TTBK2: variants seen among roughly 807,000 people sequenced by gnomAD.
The protein encoded by TTBK2 is tau tubulin kinase 2, also known as tau-tubulin kinase 2.
A neutral mutation model predicts 110.8 loss-of-function variants in TTBK2; 28 were observed. The ratio of observed to expected loss-of-function variants is 0.25; its 90% CI spans 0.19 to 0.35. TTBK2 has a LOEUF of 0.35. TTBK2 is among the 10% of genes least tolerant of loss of function. The pLI is 1.00. For synonymous variants in TTBK2, 532 were observed against 527.3 expected, an observed-to-expected ratio of 1.01 and a Z score of -0.12; for missense variants, 1,369 against 1,500.3, an observed-to-expected ratio of 0.91 and a Z score of 1.45.
chr15:42,841,390 T>C (rs1414945398), intron 3 of TTBK2, among the ~76,000 whole-genome samples: 4 of 151,978 alleles, frequency 2.6e-5, no homozygotes, highest in South Asian at 2.1e-4. Flanking sequence ...TTGTATTTTT[T>C]TGTAGAGATG....
rs143825856 is a variant in TTBK2, at chr15:42,798,206, A to G, written c.823-3405T>C. 1.5e-3 allele frequency: 685 copies of G among 456,120 alleles called. 3 individuals carry two copies. The highest frequency in any genetic ancestry group is 0.012 in the African/African-American group (598 of 50,164). 28.3% of individuals were successfully genotyped at this position (456,120 alleles called of 1,614,324 possible). On this transcript the variant is annotated intron_variant, in intron 9 of 14. Transcript: ENST00000267890. ...GCCTCTCATTCTTTTTTATATCCCA[A>G]TGTCACTGGGGAACAAAGCACTTTC...
At chr15:42,873,785 A>AT (rs1228365517) in intron 2 of TTBK2, among the ~76,000 whole-genome samples, 1 of 152,056 alleles carries the variant, frequency 6.6e-6, no homozygotes, top group African/African-American at 2.4e-5. Flanking sequence ...AGATACAGCA[A>AT]TTTTTTTCCA....
Position 42,788,125 on chromosome 15 carries a change from G to C in TTBK2, c.981-4490C>G, listed in dbSNP as rs147333286. 2.6e-5 allele frequency among the ~76,000 whole-genome samples: 4 copies of C among 152,050 alleles called. No individual in the cohort carries two copies. The East Asian group carries it at 7.7e-4, about 29-fold the overall frequency. On this transcript the variant is annotated intron_variant, in intron 10 of 14. Coordinates refer to ENST00000267890, the MANE Select transcript of TTBK2 (RefSeq NM_173500.4). ...CTTATAGGACCACTGTCATATATGC[G>C]GTGTATCACTGATTGCGATGTCATT...
intron 3 of TTBK2, among the ~76,000 whole-genome samples, chr15:42,862,823 G>C (rs1263064085): frequency 1.3e-5 from 2 of 152,168 alleles, no homozygotes; most frequent in African/African-American, 4.8e-5. Context: ...AGGAGGCAGA[G>C]GTTGCAGTAA....
At chr15:42,783,163 A>G (rs1890249637) in intron 11 of TTBK2, among the ~76,000 whole-genome samples, 1 of 152,104 alleles carries the variant, frequency 6.6e-6, no homozygotes, top group Admixed American at 6.5e-5. Flanking sequence ...CTAACTCCCA[A>G]TGTGAGGGTA....
intron 1 of TTBK2, among the ~76,000 whole-genome samples, chr15:42,911,314 G>C (rs1159719318): frequency 6.6e-6 from 1 of 152,098 alleles, no homozygotes; most frequent in African/African-American, 2.4e-5. Context: ...TCGAGAGGTA[G>C]GACTGTGCTG....
intron 1 of TTBK2, among the ~76,000 whole-genome samples, chr15:42,919,487 A>T (rs940791250): frequency 6.6e-6 from 1 of 152,172 alleles, no homozygotes; most frequent in African/African-American, 2.4e-5. Context: ...AGAACCAAAC[A>T]TTGTTAACAA....
chr15:42,871,961 G>C (rs1270172295), intron 3 of TTBK2, among the ~76,000 whole-genome samples: 1 of 152,222 alleles, frequency 6.6e-6, no homozygotes, highest in Non-Finnish European at 1.5e-5. Flanking sequence ...TAATATCAGA[G>C]AGTATGTCAT....
In TTBK2 at chr15:42,752,509, T is replaced by G; in HGVS notation, c.2737A>C (p.Asn913His). ...GAAACACAATGAAATAGTTCTCCAT[T>G]TCTAGGGGTGATTTTCTCTCTCTTG... ...EGKREKITPR[N>H]GELFHCVSEN... The change falls in exon 14 of 15, where the codon AAT becomes CAT. Residue 913 changes from asparagine to histidine, a missense_variant. Physicochemically the swap from Asn to His is moderately conservative, Grantham distance 68. Coordinates refer to ENST00000267890, the MANE Select transcript of TTBK2 (RefSeq NM_173500.4). 2 of 1,614,186 alleles carry G rather than the reference T, an allele frequency of 1.2e-6. No homozygotes were observed. The highest frequency in any genetic ancestry group is 1.7e-6 in the Non-Finnish European group (2 of 1,180,038).
intron 6 of TTBK2, among the ~76,000 whole-genome samples, chr15:42,826,197 GAA>G (rs1221979785): frequency 6.6e-6 from 1 of 151,908 alleles, no homozygotes; most frequent in East Asian, 1.9e-4. Context: ...TAGAATATGA[GAA>G]AATTATTTCA....
At chr15:42,899,770 G>A (rs1246224706) in intron 1 of TTBK2, among the ~76,000 whole-genome samples, 1 of 150,538 alleles carries the variant, frequency 6.6e-6, no homozygotes, top group Non-Finnish European at 1.5e-5. Context: ...GTGTGCTGGT[G>A]GGCGCCTGTA....
In TTBK2 at chr15:42,766,267, C is replaced by T. The variant is rs749328497; in HGVS notation, c.1998+8868G>A. On this transcript the variant is annotated intron_variant, in intron 13 of 14. Transcript: ENST00000267890. ...ATGACAGGATCAAATGCACACATAA[C>T]AATATTAATCTTAAATGTAAATGAG... 4.5e-4 allele frequency among the ~76,000 whole-genome samples: 68 copies of T among 151,592 alleles called. 1 individual carries two copies. Among genetic ancestry groups the T allele is most frequent in the Admixed American group, 2.0e-4 (3 of 15,222 alleles).
At chr15:42,869,507 G>A (rs542548307) in intron 3 of TTBK2, among the ~76,000 whole-genome samples, 1 of 151,508 alleles carries the variant, frequency 6.6e-6, no homozygotes, top group African/African-American at 2.4e-5. Flanking sequence ...AAAGAAAATG[G>A]AGAAGTGAAG....
intron 13 of TTBK2, among the ~76,000 whole-genome samples, chr15:42,770,434 C>G (rs1490795949): frequency 1.3e-5 from 2 of 152,062 alleles, no homozygotes. Context: ...AGTAGACACT[C>G]AACAAATGTT....
intron 9 of TTBK2, 96 bp downstream of exon 9, chr15:42,810,518 C>A: frequency 6.7e-7 from 1 of 1,493,344 alleles, no homozygotes; most frequent in Non-Finnish European, 9.3e-7. Context: ...CTAAGGACCT[C>A]CCCTACTCAT....
chr15:42,855,748 G>A (rs1237142325), intron 3 of TTBK2, among the ~76,000 whole-genome samples: 1 of 152,148 alleles, frequency 6.6e-6, no homozygotes, highest in Admixed American at 6.5e-5. Context: ...GCAGTGGTGC[G>A]ATTTCGGCTC....
intron 4 of TTBK2, among the ~76,000 whole-genome samples, chr15:42,835,827 G>C (rs182698677): frequency 2.4e-4 from 37 of 152,272 alleles, no homozygotes; most frequent in African/African-American, 8.7e-4. Flanking sequence ...ACAGGAGAAA[G>C]AGAAAATACT....
chr15:42,766,069 TGAGA>T (rs1889358587), intron 13 of TTBK2, among the ~76,000 whole-genome samples: 1 of 152,132 alleles, frequency 6.6e-6, no homozygotes, highest in Non-Finnish European at 1.5e-5. Flanking sequence ...AAGCAAATGT[TGAGA>T]GATTTTGTCA....
intron 4 of TTBK2, among the ~76,000 whole-genome samples, chr15:42,835,286 C>T (rs1288452058): frequency 6.6e-6 from 1 of 152,086 alleles, no homozygotes; most frequent in African/African-American, 2.4e-5. Flanking sequence ...GAAAGACAGA[C>T]AACCAGATAC....
Sources: allele counts gnomAD v4.1 joint callset (sites outside exome capture counted in the v4.1 genomes callset), GRCh38; gene constraint gnomAD v4.1.1; transcripts MANE v1.5; gene names NCBI Gene and HGNC (gene_info 2026-07-23, HGNC 2026-07-21).